The following UBAC2 variants were observed in gnomAD, a reference collection of about 807,000 sequenced individuals.
UBAC2 encodes ubiquitin-associated domain-containing protein 2.
UBAC2 carries 26 observed loss-of-function variants against 44.0 expected under a neutral mutation model. That is an observed-to-expected ratio of 0.59 (90% confidence interval 0.43 to 0.82). The LOEUF (loss-of-function observed/expected upper bound fraction) is 0.82, where lower values mean the gene tolerates loss of function less well. Ranked by LOEUF, UBAC2 falls within the 40% of genes least tolerant of loss-of-function variation. The pLI is 0.00. For missense variants in UBAC2, 329 were observed against 419.4 expected, an observed-to-expected ratio of 0.78 and a Z score of 1.88; for synonymous variants, 155 against 154.3, an observed-to-expected ratio of 1.00 and a Z score of -0.04.
At chr13:99,224,471 A>G (rs1375704015) in intron 1 of UBAC2, among the ~76,000 whole-genome samples, 1 of 152,166 alleles carries the variant, frequency 6.6e-6, no homozygotes, top group Non-Finnish European at 1.5e-5. Flanking sequence ...TTCTCCAACT[A>G]TATTTGTGGA....
intron 4 of UBAC2, among the ~76,000 whole-genome samples, chr13:99,306,800 C>G (rs2044343483): frequency 6.6e-6 from 1 of 152,102 alleles, no homozygotes; most frequent in Non-Finnish European, 1.5e-5. Context: ...GATTGGTACT[C>G]TTTGCTGGCG....
chr13:99,341,758 G>A (rs1270486993), intron 7 of UBAC2, among the ~76,000 whole-genome samples: 1 of 152,206 alleles, frequency 6.6e-6, no homozygotes, highest in Non-Finnish European at 1.5e-5. Flanking sequence ...CAAGGAAACT[G>A]AGAGAAGAGC....
intron 1 of UBAC2, among the ~76,000 whole-genome samples, chr13:99,221,323 A>G (rs377419804): frequency 2.0e-5 from 3 of 152,326 alleles, no homozygotes; most frequent in East Asian, 1.9e-4. Flanking sequence ...TACTTTTGTT[A>G]CACAGGGCAC....
rs537314362 is a variant in UBAC2, at chr13:99,249,761, AGCCATTCTGACTGGTGTGAGAT to A, written c.389+5139_389+5160del. On this transcript the variant is annotated intron_variant, in intron 4 of 8. Transcript: ENST00000403766. The stretch of plus-strand genomic sequence containing the variant: ...ATCTGTTGTTTTTTGGCTTTTTAGT[AGCCATTCTGACTGGTGTGAGAT>A]GGTATCTCATTGTGGTTTTGATTTG... 7.0e-4 allele frequency among the ~76,000 whole-genome samples: 107 copies of A among 152,256 alleles called. 2 individuals carry two copies. In the East Asian group the frequency reaches 0.019, roughly 27 times the overall value.
intron 5 of UBAC2, among the ~76,000 whole-genome samples, chr13:99,316,226 C>T (rs985778360): frequency 2.6e-5 from 4 of 152,064 alleles, no homozygotes; most frequent in South Asian, 2.1e-4. Context: ...GCATGAATGG[C>T]ATGCAGGGTT....
At chr13:99,370,574 T>A (rs2045391924) in intron 8 of UBAC2, among the ~76,000 whole-genome samples, 1 of 152,230 alleles carries the variant, frequency 6.6e-6, no homozygotes, top group African/African-American at 2.4e-5. Flanking sequence ...CCCCATTCCC[T>A]GTCCCCAGAG....
intron 4 of UBAC2, among the ~76,000 whole-genome samples, chr13:99,309,992 C>T (rs927892477): frequency 4.6e-5 from 7 of 152,150 alleles, no homozygotes; most frequent in African/African-American, 1.7e-4. Context: ...CTATCGAGTG[C>T]GATCATGAAT....
At chr13:99,205,024 A>C (rs1294637488) in intron 1 of UBAC2, among the ~76,000 whole-genome samples, 1 of 148,218 alleles carries the variant, frequency 6.7e-6, no homozygotes, top group African/African-American at 2.5e-5. Context: ...CTGCCTCAGC[A>C]TCCTGAGTAG....
chr13:99,215,812 G>A, intron 1 of UBAC2: 1 of 647,594 alleles, frequency 1.5e-6, no homozygotes, highest in Admixed American at 2.8e-5. Flanking sequence ...TCAGACCCGT[G>A]GTGAGATCCC....
At chr13:99,345,740 T>A (rs2044966747) in intron 7 of UBAC2, among the ~76,000 whole-genome samples, 1 of 133,780 alleles carries the variant, frequency 7.5e-6, no homozygotes, top group Admixed American at 7.4e-5. Flanking sequence ...TTTTTTTCTT[T>A]CTTTTTTTTT....
rs535884782 is a variant in UBAC2, at chr13:99,303,243, A to C, written c.390-10854A>C. ...CTTCAAGACTGAAAAAGGGTTTAGC[A>C]GTCTACTGTTTCCTCTTTGTGCTTT... On this transcript the variant is annotated intron_variant, in intron 4 of 8. Transcript: ENST00000403766. 2.0e-5 allele frequency among the ~76,000 whole-genome samples: 3 copies of C among 152,360 alleles called. No homozygotes were observed. In the East Asian group the frequency reaches 5.8e-4, roughly 29 times the overall value.
At chr13:99,332,469 A>T (rs1031162673) in intron 6 of UBAC2, among the ~76,000 whole-genome samples, 1 of 152,218 alleles carries the variant, frequency 6.6e-6, no homozygotes, top group African/African-American at 2.4e-5. Flanking sequence ...CTCTTGCCTT[A>T]CATTCTCAGA....
chr13:99,220,875 A>AT (rs897537424), intron 1 of UBAC2, among the ~76,000 whole-genome samples: 138 of 151,302 alleles, frequency 9.1e-4, no homozygotes, highest in South Asian at 1.9e-3. Flanking sequence ...GTCAAAATCG[A>AT]TTTTTTTTTG....
chr13:99,211,773 A>G (rs1383834709), intron 1 of UBAC2, among the ~76,000 whole-genome samples: 1 of 152,210 alleles, frequency 6.6e-6, no homozygotes, highest in African/African-American at 2.4e-5. Context: ...TGTGTCTCCC[A>G]ACCACTGGGA....
intron 6 of UBAC2, among the ~76,000 whole-genome samples, chr13:99,330,915 G>A (rs1285793728): frequency 6.6e-6 from 1 of 152,142 alleles, no homozygotes; most frequent in East Asian, 1.9e-4. Context: ...TTAAGAAAGT[G>A]CATGTAACTT....
chr13:99,381,845 C>G (rs1419645203), intron 8 of UBAC2, among the ~76,000 whole-genome samples: 1 of 152,140 alleles, frequency 6.6e-6, no homozygotes, highest in Non-Finnish European at 1.5e-5. Flanking sequence ...AACCAAGTGG[C>G]AGAATTGAAG....
At chr13:99,212,381 C>G (rs947153961) in intron 1 of UBAC2, among the ~76,000 whole-genome samples, 1 of 152,114 alleles carries the variant, frequency 6.6e-6, no homozygotes, top group African/African-American at 2.4e-5. Context: ...TGATTTTCCC[C>G]CCAGATTTTT....
chr13:99,220,002 C>A (rs2043037004), intron 1 of UBAC2, among the ~76,000 whole-genome samples: 2 of 151,926 alleles, frequency 1.3e-5, no homozygotes, highest in African/African-American at 4.8e-5. Context: ...GATAATGCTA[C>A]TATGAACATT....
chr13:99,318,266 C>T (rs780444109), intron 6 of UBAC2, among the ~76,000 whole-genome samples, 197 bp downstream of exon 6: 11 of 151,990 alleles, frequency 7.2e-5, no homozygotes, highest in Non-Finnish European at 1.6e-4. Flanking sequence ...CTCCCGGATT[C>T]GAGTGATTCT....
Sources: gnomAD v4.1 joint callset for allele counts (sites outside exome capture counted in the v4.1 genomes callset) on GRCh38, gnomAD v4.1.1 for gene constraint, MANE v1.5 for transcripts, NCBI Gene and HGNC (gene_info 2026-07-23, HGNC 2026-07-21) for gene names.